Variants in C1orf167 observed in about 807,000 individuals in gnomAD.
C1orf167 encodes the protein uncharacterized protein C1orf167.
A neutral mutation model predicts 176.5 loss-of-function variants in C1orf167; 153 were observed. The observed-to-expected ratio is 0.87, with a 90% CI of 0.76 to 0.99. C1orf167 has a LOEUF of 0.99. C1orf167 is among the 50% of genes least tolerant of loss of function. The probability of loss-of-function intolerance (pLI) is 0.00; values close to 1 mark genes in which losing one functional copy is unlikely to be tolerated. For synonymous variants in C1orf167, 594 were observed against 752.7 expected (o/e 0.79, Z 3.45); for missense variants, 1,490 against 1,817.7 (o/e 0.82, Z 3.28).
chr1:11,765,993 C>T lies in C1orf167; in HGVS notation c.207C>T (p.Cys69=), dbSNP rs1338226900. ...SPGAVLDQEP[C]RVQTNLASPG... ...GGGCAGTGCTAGACCAGGAGCCCTG[C>T]CGAGTCCAGACCAACCTGGCCAGCC... is the stretch of plus-strand genomic sequence containing the variant. Residue 69 remains cysteine (C), a synonymous_variant, in exon 3 of 21, where the codon TGC becomes TGT. Coordinates refer to ENST00000688073, the MANE Select transcript of C1orf167 (RefSeq NM_001010881.2). 3 of 1,288,962 alleles carry T rather than the reference C, an allele frequency of 2.3e-6. No homozygotes were observed. The highest frequency in any genetic ancestry group is 3.0e-6 in the Non-Finnish European group (3 of 988,346). 79.8% of individuals were successfully genotyped at this position (1,288,962 alleles called of 1,614,324 possible).
intron 19 of C1orf167, 122 bp from the exon 20 acceptor site, chr1:11,788,530 G>A: frequency 9.0e-7 from 1 of 1,115,422 alleles, no homozygotes; most frequent in Non-Finnish European, 1.2e-6. Context: ...CTCCTCAGAT[G>A]ACACCCCCTT....
At chr1:11,788,588 G>A in intron 19 of C1orf167, 64 bp from the exon 20 acceptor site, 2 of 1,255,180 alleles carry the variant, frequency 1.6e-6, no homozygotes, top group Non-Finnish European at 2.1e-6. Context: ...GAGAAAGGCA[G>A]AAGGGCTGGG....
At position 11,768,213 on chromosome 1, in the gene C1orf167, GC is replaced by G; in HGVS notation, c.1481del (p.Ala494ValfsTer77). The G allele has an allele frequency of 1.6e-6, 2 of 1,289,772 alleles. No individual in the cohort carries two copies. Among genetic ancestry groups the G allele is most frequent in the Non-Finnish European group, 2.0e-6 (2 of 988,764 alleles). 79.9% of individuals were successfully genotyped at this position (1,289,772 alleles called of 1,614,324 possible). A position where few individuals can be genotyped will look rare whatever the true frequency, so the allele number is the denominator to read the frequency against. On this transcript the variant is annotated frameshift_variant, in exon 5 of 21. Transcript: ENST00000688073. LOFTEE classifies it high-confidence loss of function. This position sits in a 1 kb window ranked among gnomAD's most constrained non-coding sequence, Gnocchi z 4.5. ...CCTTCAGGCCTTGTGGCTCCGGGAG[GC>G]TCAGCTGGAGGCAGCATGGGGGCAG... ...KCLQALWLREAQLEAAWGQYT... is the reference protein window; with the variant it reads ...KCLQALWLREXQLEAAWGQYT...
At chr1:11,776,918 G>A (rs924116953) in intron 10 of C1orf167, among the ~76,000 whole-genome samples, 2 of 152,188 alleles carry the variant, frequency 1.3e-5, no homozygotes, top group Non-Finnish European at 2.9e-5. Context: ...CTCTACAGGG[G>A]TGGCCGGAAC....
chr1:11,785,114 T>A, intron 15 of C1orf167, 34 bp from the exon 16 acceptor site: 1 of 1,241,450 alleles, frequency 8.1e-7, no homozygotes, highest in South Asian at 1.3e-5. Context: ...CTGGCCTTTA[T>A]GGCCCTGGCT....
chr1:11,780,185 T>C (rs929662700), intron 13 of C1orf167, among the ~76,000 whole-genome samples, 175 bp downstream of exon 13: 2 of 152,204 alleles, frequency 1.3e-5, no homozygotes, highest in Admixed American at 6.5e-5. Context: ...AACAAACATC[T>C]GTGGTTTAAA....
At position 11,768,873 on chromosome 1, in the gene C1orf167, C is replaced by G. The variant is rs553238587; in HGVS notation, c.1543-100C>G. The G allele has an allele frequency of 1.2e-6, 1 of 826,048 alleles. No homozygotes were observed. The highest frequency in any genetic ancestry group is 5.6e-5 in the South Asian group (1 of 17,970). 51.2% of individuals were successfully genotyped at this position (826,048 alleles called of 1,614,324 possible). On this transcript the variant is annotated intron_variant, in intron 5 of 20. Transcript: ENST00000688073. The surrounding 1 kb of genome is among the most constrained non-coding windows in gnomAD (Gnocchi z 4.5). Reference sequence around the variant, plus strand: ...TGGTTAAGACCACAGGCTGTGGAATCTGATAGGCATGTGTTACTCCTGTCC... The same window carrying G: ...TGGTTAAGACCACAGGCTGTGGAATGTGATAGGCATGTGTTACTCCTGTCC...
chr1:11,766,612 C>G lies in C1orf167; in HGVS notation c.826C>G (p.Gln276Glu). The change falls in exon 3 of 21, where the codon CAG becomes GAG. Residue 276 changes from glutamine (Q) to glutamate (E), a missense_variant. Physicochemically the swap from Gln to Glu is conservative, Grantham distance 29. Transcript: ENST00000688073. The surrounding 1 kb of genome is among the most constrained non-coding windows in gnomAD (Gnocchi z 4.5). ...VQQDLWTGGG[Q>E]PFSAHPQPSQ... is the part of the protein sequence containing the mutation. ...GCAGGACCTCTGGACCGGCGGCGGC[C>G]AGCCATTCTCCGCCCACCCCCAGCC... 3 of 1,281,860 alleles carry G rather than the reference C, an allele frequency of 2.3e-6. No homozygotes were observed. The highest frequency in any genetic ancestry group is 3.0e-6 in the Non-Finnish European group (3 of 984,538). 79.4% of individuals were successfully genotyped at this position (1,281,860 alleles called of 1,614,324 possible). A position where few individuals can be genotyped will look rare whatever the true frequency, so the allele number is the denominator to read the frequency against.
At chr1:11,762,498 C>T (rs1332313342) in intron 1 of C1orf167, among the ~76,000 whole-genome samples, 193 bp downstream of exon 1, 1 of 152,124 alleles carries the variant, frequency 6.6e-6, no homozygotes, top group African/African-American at 2.4e-5. Flanking sequence ...AGGAAGGTCT[C>T]CTGTGGATTG....
chr1:11,789,532 GA>G lies in C1orf167; in HGVS notation c.*87del. 8.5e-7 allele frequency: 1 copy of G among 1,182,666 alleles called. No individual in the cohort carries two copies. The allele number at this position is 1,182,666 out of a possible 1,614,324, so 73.3% of individuals were successfully genotyped here. A position where few individuals can be genotyped will look rare whatever the true frequency, so the allele number is the denominator to read the frequency against. The stretch of plus-strand genomic sequence containing the variant: ...CCCACACATCCAGGGAGTGATGACA[GA>G]GGGGACAGCTTGAAGAGCTCTGAAG... On this transcript the variant is annotated 3_prime_UTR_variant, in exon 21 of 21. Transcript: ENST00000688073.
Position 11,778,781 on chromosome 1 carries a change from C to A in C1orf167, c.2461C>A (p.Leu821Met), listed in dbSNP as rs757223543. ...CTKTPSALEP[L>M]SSSTLQDSLE... is the part of the protein sequence containing the mutation. ...CAAGACCCCCTCGGCTCTGGAGCCACTGAGCAGCAGCACACTCCAAGACTC... is the reference window on the plus strand; with the variant it reads ...CAAGACCCCCTCGGCTCTGGAGCCAATGAGCAGCAGCACACTCCAAGACTC... Residue 821 changes from leucine to methionine, a missense_variant, in exon 11 of 21, where the codon CTG becomes ATG. By Grantham distance (15) the Leu-to-Met change is conservative. Coordinates refer to ENST00000688073, the MANE Select transcript of C1orf167 (RefSeq NM_001010881.2). The A allele has an allele frequency of 3.7e-5, 48 of 1,303,504 alleles. No homozygotes were observed. In the Admixed American group the frequency reaches 1.1e-3, roughly 30 times the overall value. 80.7% of individuals were successfully genotyped at this position (1,303,504 alleles called of 1,614,324 possible). A position where few individuals can be genotyped will look rare whatever the true frequency, so the allele number is the denominator to read the frequency against.
In C1orf167 at chr1:11,763,526, T is replaced by C. The variant is rs944509058; in HGVS notation, c.-70-805T>C. Among the ~76,000 whole-genome samples, 6 of 152,188 alleles carry C rather than the reference T, an allele frequency of 3.9e-5. No individual in the cohort carries two copies. In the South Asian group the frequency reaches 8.3e-4, roughly 21 times the overall value. ...TATTGCAGCTGGAAAGCAGACAGTCTGTAAACAAATGGGCTTTGTTTCAAT... is the reference window on the plus strand; with the variant it reads ...TATTGCAGCTGGAAAGCAGACAGTCCGTAAACAAATGGGCTTTGTTTCAAT... On this transcript the variant is annotated intron_variant, in intron 1 of 20. Transcript: ENST00000688073.
rs773668262 is a variant in C1orf167 at position 11,788,262 on chromosome 1, C to T, written c.3962C>T (p.Pro1321Leu). ...LGHQEEVPAA[P>L]VPRGTASRAA... ...CATCAGGAGGAAGTACCTGCAGCGC[C>T]GGTGCCTCGAGGCACTGCTTCACGG... The change falls in exon 19 of 21, where the codon CCG (proline) becomes CTG (leucine). Residue 1321 changes from proline to leucine, a missense_variant. Coordinates refer to ENST00000688073, the MANE Select transcript of C1orf167 (RefSeq NM_001010881.2). 1.2e-5 allele frequency: 16 copies of T among 1,303,792 alleles called. No individual in the cohort carries two copies. The highest frequency in any genetic ancestry group is 5.5e-5 in the East Asian group (1 of 18,024). The allele number at this position is 1,303,792 out of a possible 1,614,324, so 80.8% of individuals were successfully genotyped here. A position where few individuals can be genotyped will look rare whatever the true frequency, so the allele number is the denominator to read the frequency against.
rs996086260 is a variant in C1orf167 at position 11,766,429 on chromosome 1, C to A, written c.643C>A (p.Pro215Thr). Reference protein sequence around the residue: ...GSWRSRLVGEPLTLEDLAVPS... With the variant: ...GSWRSRLVGETLTLEDLAVPS... ...CTGGAGGTCCAGGCTGGTGGGGGAA[C>A]CTCTCACCCTGGAGGACCTGGCTGT... The change falls in exon 3 of 21, where the codon CCT (proline) becomes ACT (threonine). Residue 215 changes from proline to threonine, a missense_variant. Transcript: ENST00000688073. The surrounding 1 kb of genome is among the most constrained non-coding windows in gnomAD (Gnocchi z 4.5). 3.9e-6 allele frequency: 5 copies of A among 1,283,972 alleles called. No individual in the cohort carries two copies. Among genetic ancestry groups the A allele is most frequent in the South Asian group, 1.2e-5 (1 of 80,296 alleles). 79.5% of individuals were successfully genotyped at this position (1,283,972 alleles called of 1,614,324 possible). A position where few individuals can be genotyped will look rare whatever the true frequency, so the allele number is the denominator to read the frequency against.
intron 15 of C1orf167, among the ~76,000 whole-genome samples, 198 bp from the exon 16 acceptor site, chr1:11,784,950 T>C (rs913848888): frequency 1.3e-5 from 2 of 152,134 alleles, no homozygotes; most frequent in Non-Finnish European, 2.9e-5. Flanking sequence ...CTTGTCCCCG[T>C]CTGTGATTTT....
Position 11,775,244 on chromosome 1 carries a change from G to A in C1orf167, c.1989-191G>A, listed in dbSNP as rs1643254947. 2.0e-5 allele frequency among the ~76,000 whole-genome samples: 3 copies of A among 152,280 alleles called. No individual in the cohort carries two copies. The South Asian group carries it at 6.2e-4, about 32-fold the overall frequency. On this transcript the variant is annotated intron_variant, in intron 8 of 20. Transcript: ENST00000688073. ...GTGGAGGTTGCAGTGACCAGAGATC[G>A]CACCATTGCACTCCAGCCTGGGCAA...
intron 10 of C1orf167, 161 bp from the exon 11 acceptor site, chr1:11,778,499 G>T (rs80001635): frequency 4.1e-4 from 206 of 506,364 alleles, no homozygotes; most frequent in Non-Finnish European, 6.0e-4. Context: ...CAGCCGCTGT[G>T]GGGGGCAGCA....
chr1:11,788,290 T>A lies in C1orf167; in HGVS notation c.3990T>A (p.Ala1330=). 1 of 1,303,686 alleles carries A rather than the reference T, an allele frequency of 7.7e-7. No homozygotes were observed. Among genetic ancestry groups the A allele is most frequent in the Non-Finnish European group, 1.0e-6 (1 of 988,612 alleles). The allele number at this position is 1,303,686 out of a possible 1,614,324, so 80.8% of individuals were successfully genotyped here. A position where few individuals can be genotyped will look rare whatever the true frequency, so the allele number is the denominator to read the frequency against. Residue 1330 remains alanine, a synonymous_variant, in exon 19 of 21, where the codon GCT becomes GCA. Transcript: ENST00000688073. Reference sequence around the variant, plus strand: ...TGCCTCGAGGCACTGCTTCACGGGCTGCGGGGTTCCCAGCAGGCCAGGTGC... The same window carrying A: ...TGCCTCGAGGCACTGCTTCACGGGCAGCGGGGTTCCCAGCAGGCCAGGTGC... ...APVPRGTASR[A]AGFPAGQVPG...
intron 16 of C1orf167, 26 bp from the exon 17 acceptor site, chr1:11,787,362 G>T: frequency 8.0e-7 from 1 of 1,256,860 alleles, no homozygotes; most frequent in Non-Finnish European, 1.0e-6. Flanking sequence ...TGGGGTTCAG[G>T]TGCTCCTCTC....
Sources: allele counts gnomAD v4.1 joint callset (sites outside exome capture counted in the v4.1 genomes callset), GRCh38; gene constraint gnomAD v4.1.1; non-coding constraint Gnocchi (gnomAD v3.1); transcripts MANE v1.5; gene names NCBI Gene and HGNC (gene_info 2026-07-23, HGNC 2026-07-21).